FHIT: variants seen among roughly 807,000 people sequenced by gnomAD.
FHIT encodes the protein bis(5'-adenosyl)-triphosphatase.
Under a neutral mutation model 17.9 loss-of-function variants are expected in FHIT, and 19 were observed. That is an observed-to-expected ratio of 1.06 (90% CI 0.74 to 1.56). The LOEUF is 1.56. Among genes scored for constraint, FHIT ranks in the 40% most tolerant of loss-of-function variants. The probability of loss-of-function intolerance (pLI) is 0.00; values close to 1 mark genes in which losing one functional copy is unlikely to be tolerated. For missense variants in FHIT, 248 were observed against 189.2 expected, an observed-to-expected ratio of 1.31 and a Z score of -1.82; for synonymous variants, 81 against 69.7, an observed-to-expected ratio of 1.16 and a Z score of -0.81.
intron 4 of FHIT, among the ~76,000 whole-genome samples, chr3:60,570,318 T>G (rs752165063): frequency 1.2e-4 from 19 of 152,156 alleles, no homozygotes; most frequent in Non-Finnish European, 1.5e-4. Flanking sequence ...AAAGACTATT[T>G]AAAGAATTAC....
chr3:60,459,866 A>T (rs963894924), intron 5 of FHIT, among the ~76,000 whole-genome samples: 17 of 152,180 alleles, frequency 1.1e-4, no homozygotes, highest in African/African-American at 4.1e-4. Flanking sequence ...AAATGTTCAA[A>T]TATATTGGGG....
chr3:60,766,226 T>C (rs1553721404), intron 4 of FHIT, among the ~76,000 whole-genome samples: 1 of 152,228 alleles, frequency 6.6e-6, no homozygotes, highest in African/African-American at 2.4e-5. Flanking sequence ...AAGAGATGTC[T>C]ATTCTTAATG....
intron 2 of FHIT, among the ~76,000 whole-genome samples, chr3:61,167,881 G>A (rs2037888312): frequency 6.6e-6 from 1 of 152,026 alleles, no homozygotes; most frequent in African/African-American, 2.4e-5. Context: ...TACAACAAAG[G>A]AAACCCAATT....
intron 4 of FHIT, among the ~76,000 whole-genome samples, chr3:60,813,294 A>G (rs1397433807): frequency 6.6e-6 from 1 of 151,580 alleles, no homozygotes; most frequent in African/African-American, 2.4e-5. Context: ...CCATGAACCA[A>G]ATAAATTTAT....
rs1701081665 is a variant in FHIT, at chr3:60,033,352, G to A, written c.104-19200C>T. On this transcript the variant is annotated intron_variant, in intron 5 of 9. Transcript: ENST00000492590. ...CTCTACTAAAAATACAAATCAGCCG[G>A]GCGTGGTGGCGCATGCCTGTAATCT... 4.6e-5 allele frequency among the ~76,000 whole-genome samples: 7 copies of A among 152,122 alleles called. No individual in the cohort carries two copies. In the South Asian group the frequency reaches 1.5e-3, roughly 32 times the overall value.
chr3:59,754,515 A>G (rs944025602), intron 8 of FHIT, among the ~76,000 whole-genome samples: 2 of 152,302 alleles, frequency 1.3e-5, no homozygotes, highest in African/African-American at 2.4e-5. Context: ...TCTTATAACA[A>G]TTCAATAGGA....
intron 5 of FHIT, among the ~76,000 whole-genome samples, chr3:60,169,985 T>A (rs1701346701): frequency 6.6e-6 from 1 of 152,196 alleles, no homozygotes; most frequent in Non-Finnish European, 1.5e-5. Flanking sequence ...ACCTCTGCTG[T>A]TTTCGATGAT....
At chr3:60,885,192 A>G (rs1010220102) in intron 3 of FHIT, among the ~76,000 whole-genome samples, 1 of 152,194 alleles carries the variant, frequency 6.6e-6, no homozygotes, top group African/African-American at 2.4e-5. Context: ...GCTGCAAGAG[A>G]GAATTTGAAA....
At chr3:60,175,598 A>G (rs954166323) in intron 5 of FHIT, among the ~76,000 whole-genome samples, 4 of 152,194 alleles carry the variant, frequency 2.6e-5, no homozygotes, top group African/African-American at 9.6e-5. Context: ...TACAATGCAT[A>G]CTTCAGAAAG....
At chr3:60,391,990 A>C (rs1232721237) in intron 5 of FHIT, among the ~76,000 whole-genome samples, 1 of 152,104 alleles carries the variant, frequency 6.6e-6, no homozygotes. Context: ...GTGCTGAAAC[A>C]AGATATCATT....
chr3:59,908,182 C>A (rs894853990), intron 8 of FHIT, among the ~76,000 whole-genome samples: 7 of 152,358 alleles, frequency 4.6e-5, no homozygotes, highest in African/African-American at 1.7e-4. Flanking sequence ...TGACTCACTG[C>A]AAGCCATCCC....
In FHIT at chr3:60,243,700, T is replaced by C. The variant is rs541951936; in HGVS notation, c.104-229548A>G. 7.9e-5 allele frequency among the ~76,000 whole-genome samples: 12 copies of C among 152,264 alleles called. No individual in the cohort carries two copies. In the East Asian group the frequency reaches 2.1e-3, roughly 27 times the overall value. Reference sequence around the variant, plus strand: ...ACAACCGTGAGGAATGATAACCACCTTCTTAAACGTTGAAGATATAATCTG... The same window carrying C: ...ACAACCGTGAGGAATGATAACCACCCTCTTAAACGTTGAAGATATAATCTG... On this transcript the variant is annotated intron_variant, in intron 5 of 9. Coordinates refer to ENST00000492590, the MANE Select transcript of FHIT (RefSeq NM_002012.4).
chr3:61,205,635 T>C (rs1445201936), intron 1 of FHIT, among the ~76,000 whole-genome samples: 4 of 152,368 alleles, frequency 2.6e-5, no homozygotes, highest in African/African-American at 7.2e-5. Flanking sequence ...GAGAAGTGTC[T>C]GTTCTTATCC....
At chr3:60,658,840 T>C (rs2107819909) in intron 4 of FHIT, among the ~76,000 whole-genome samples, 2 of 152,250 alleles carry the variant, frequency 1.3e-5, no homozygotes. Context: ...TTTTTACCTT[T>C]ACGGAGAACT....
intron 8 of FHIT, among the ~76,000 whole-genome samples, chr3:59,791,000 A>G (rs545151504): frequency 1.3e-5 from 2 of 152,164 alleles, no homozygotes; most frequent in South Asian, 2.1e-4. Flanking sequence ...AAATGTCAGC[A>G]TCTTTGGGAA....
intron 4 of FHIT, among the ~76,000 whole-genome samples, chr3:60,569,734 T>TAGATATATATATAC (rs1400051089): frequency 2.3e-4 from 10 of 44,110 alleles, no homozygotes; most frequent in African/African-American, 9.3e-4. Context: ...ACTATATATA[T>TAGATATATATATAC]ATATATATAT....
chr3:60,498,273 C>G (rs141024524), intron 5 of FHIT, among the ~76,000 whole-genome samples: 169 of 151,980 alleles, frequency 1.1e-3, no homozygotes, highest in African/African-American at 3.9e-3. Context: ...TTTGTACTAC[C>G]AAAAATGAAT....
chr3:60,605,469 ACTTG>A (rs1553670797), intron 4 of FHIT, among the ~76,000 whole-genome samples: 10 of 152,292 alleles, frequency 6.6e-5, no homozygotes, highest in African/African-American at 1.9e-4. Flanking sequence ...ATTAGGACAT[ACTTG>A]AGAAGTCAGT....
At chr3:60,505,334 T>C (rs1377328475) in intron 5 of FHIT, among the ~76,000 whole-genome samples, 2 of 152,162 alleles carry the variant, frequency 1.3e-5, no homozygotes, top group Non-Finnish European at 2.9e-5. Context: ...TGTGGACAGC[T>C]TACTTCCATA....
Sources: gnomAD v4.1 joint callset for allele counts (sites outside exome capture counted in the v4.1 genomes callset) on GRCh38, gnomAD v4.1.1 for gene constraint, MANE v1.5 for transcripts, NCBI Gene and HGNC (gene_info 2026-07-23, HGNC 2026-07-21) for gene names.